Variants in STARD13 observed in about 807,000 individuals in gnomAD.
STARD13 encodes the protein StAR related lipid transfer domain containing 13.
Under a neutral mutation model 106.4 loss-of-function variants are expected in STARD13, and 62 were observed. The ratio of observed to expected loss-of-function variants is 0.58; its 90% CI spans 0.48 to 0.72. The LOEUF (loss-of-function observed/expected upper bound fraction) is 0.72, where lower values mean the gene tolerates loss of function less well. Ranked by LOEUF, STARD13 falls within the 30% of genes least tolerant of loss-of-function variation. STARD13 has a pLI of 0.00. For synonymous variants in STARD13, 565 were observed against 553.0 expected, an observed-to-expected ratio of 1.02 and a Z score of -0.31; for missense variants, 1,387 against 1,424.0, an observed-to-expected ratio of 0.97 and a Z score of 0.42.
chr13:33,119,384 C>T lies in STARD13; in HGVS notation c.2083-1121G>A, dbSNP rs116781267. ...AGTGGCTGGTCAGGTAGACAGTGGC[C>T]ACTAGTGTCAGCCACTGCTCATCCC... is the stretch of plus-strand genomic sequence containing the variant. On this transcript the variant is annotated intron_variant, in intron 7 of 13. Coordinates refer to ENST00000336934, the MANE Select transcript of STARD13 (RefSeq NM_178006.4). Among the ~76,000 whole-genome samples the T allele has an allele frequency of 5.7e-3, 866 of 152,238 alleles. 8 individuals are homozygous for T. The highest frequency in any genetic ancestry group is 0.02 in the African/African-American group (831 of 41,512).
the STARD13 span, among the ~76,000 whole-genome samples, chr13:33,589,806 C>A: frequency 6.6e-6 from 1 of 152,120 alleles, no homozygotes; most frequent in Non-Finnish European, 1.5e-5. Flanking sequence ...CTGTAGATGT[C>A]TATTAGGTCT....
the STARD13 span, among the ~76,000 whole-genome samples, chr13:33,483,707 C>T: frequency 6.6e-6 from 1 of 151,754 alleles, no homozygotes; most frequent in African/African-American, 2.4e-5. Context: ...ACATATAAAC[C>T]CCCCAGTTTC....
chr13:33,175,813 GT>G (rs1203861705), intron 1 of STARD13, among the ~76,000 whole-genome samples: 1 of 152,166 alleles, frequency 6.6e-6, no homozygotes, highest in Admixed American at 6.5e-5. Context: ...AAAAATGCGT[GT>G]TTTTAGGGAT....
At chr13:33,304,590 T>C (rs974194266) in intron 1 of STARD13, among the ~76,000 whole-genome samples, 3 of 152,336 alleles carry the variant, frequency 2.0e-5, no homozygotes, top group Admixed American at 1.3e-4. Context: ...GTAACTTTAA[T>C]GCATGAGTTT....
chr13:33,439,712 T>C, the STARD13 span: 1 of 1,260,728 alleles, frequency 7.9e-7, no homozygotes, highest in Admixed American at 2.3e-5. Context: ...TTGGGTCTGT[T>C]ATCAGAGAGC....
the STARD13 span, among the ~76,000 whole-genome samples, chr13:33,662,058 C>G: frequency 7.9e-5 from 12 of 151,832 alleles, no homozygotes; most frequent in Admixed American, 4.6e-4. Context: ...GTCAGGAGAT[C>G]GAGACCATCC....
At chr13:33,362,568 A>C in the STARD13 span, among the ~76,000 whole-genome samples, 3 of 152,138 alleles carry the variant, frequency 2.0e-5, no homozygotes, top group Non-Finnish European at 2.9e-5. Context: ...TCTCTGTTTT[A>C]TCTCTCTTTG....
the STARD13 span, among the ~76,000 whole-genome samples, chr13:33,653,854 A>T: frequency 2.6e-5 from 4 of 152,234 alleles, no homozygotes; most frequent in East Asian, 5.8e-4. Flanking sequence ...AACGCAATTT[A>T]AAAAATGGGC....
chr13:33,566,059 T>G, the STARD13 span, among the ~76,000 whole-genome samples: 2 of 148,484 alleles, frequency 1.3e-5, no homozygotes, highest in South Asian at 4.3e-4. Flanking sequence ...AAACAATTCA[T>G]AAGTGTTAAG....
the STARD13 span, among the ~76,000 whole-genome samples, chr13:33,516,291 T>C: frequency 6.6e-6 from 1 of 150,376 alleles, no homozygotes; most frequent in African/African-American, 2.4e-5. Flanking sequence ...AAATTTCATA[T>C]ATAGTTGGAG....
chr13:33,471,191 T>C, the STARD13 span, among the ~76,000 whole-genome samples: 3 of 152,206 alleles, frequency 2.0e-5, no homozygotes, highest in African/African-American at 7.2e-5. Context: ...GGAATGATAT[T>C]AAGATATGTA....
At chr13:33,232,819 C>G (rs1028124851) in intron 1 of STARD13, among the ~76,000 whole-genome samples, 2 of 152,216 alleles carry the variant, frequency 1.3e-5, no homozygotes, top group East Asian at 3.8e-4. Context: ...CAATGAGATA[C>G]AAGACCCCTC....
the STARD13 span, among the ~76,000 whole-genome samples, chr13:33,659,021 C>G: frequency 1.3e-5 from 2 of 152,082 alleles, no homozygotes; most frequent in Non-Finnish European, 2.9e-5. Flanking sequence ...CACATGGAAG[C>G]TCTTTGCCCC....
Position 33,129,217 on chromosome 13 carries a change from T to A in STARD13, c.1460A>T (p.Asp487Val), listed in dbSNP as rs1566006569. ...LEKDDLFPHL[D>V]DILQHVNGLQ... ...CCCATTGACATGCTGCAGAATGTCATCCAAGTGAGGGAAAAGGTCATCTTT... is the reference window on the plus strand; with the variant it reads ...CCCATTGACATGCTGCAGAATGTCAACCAAGTGAGGGAAAAGGTCATCTTT... Residue 487 changes from aspartate (D) to valine (V), a missense_variant, in exon 5 of 14, where the codon GAT (aspartate) becomes GTT (valine). Physicochemically the swap from Asp to Val is radical, Grantham distance 152. Transcript: ENST00000336934. 2 of 1,614,144 alleles carry A rather than the reference T, an allele frequency of 1.2e-6. No homozygotes were observed. The highest frequency in any genetic ancestry group is 2.2e-5 in the South Asian group (2 of 91,080).
At chr13:33,647,112 T>C in the STARD13 span, among the ~76,000 whole-genome samples, 2 of 152,220 alleles carry the variant, frequency 1.3e-5, no homozygotes, top group African/African-American at 4.8e-5. Context: ...TACTAATGTT[T>C]GACTAGTTCC....
the STARD13 span, among the ~76,000 whole-genome samples, chr13:33,566,384 G>A: frequency 6.8e-6 from 1 of 147,732 alleles, no homozygotes; most frequent in African/African-American, 2.5e-5. Context: ...TGGAATGTAT[G>A]CCCCATTGAT....
the STARD13 span, among the ~76,000 whole-genome samples, chr13:33,609,298 T>G: frequency 6.6e-6 from 1 of 152,042 alleles, no homozygotes; most frequent in African/African-American, 2.4e-5. Flanking sequence ...ATACGCAGCT[T>G]AAGCAAAAAG....
At chr13:33,495,315 C>A in the STARD13 span, among the ~76,000 whole-genome samples, 10 of 152,262 alleles carry the variant, frequency 6.6e-5, no homozygotes, top group South Asian at 2.1e-3. Context: ...AAGTGGACAG[C>A]TCAGTGGAAA....
At chr13:33,526,603 A>G in the STARD13 span, among the ~76,000 whole-genome samples, 1 of 152,126 alleles carries the variant, frequency 6.6e-6, no homozygotes, top group Non-Finnish European at 1.5e-5. Context: ...TCTGGGTTCA[A>G]AGCCAGGCTC....
Sources: allele counts gnomAD v4.1 joint callset (sites outside exome capture counted in the v4.1 genomes callset), GRCh38; gene constraint gnomAD v4.1.1; transcripts MANE v1.5; gene names NCBI Gene and HGNC (gene_info 2026-07-23, HGNC 2026-07-21).